GALR1: variants seen among roughly 807,000 people sequenced by gnomAD.
The protein encoded by GALR1 is galanin receptor 1.
A neutral mutation model predicts 17.9 loss-of-function variants in GALR1; 11 were observed. That is an observed-to-expected ratio of 0.62 (90% confidence interval 0.39 to 1.02). GALR1 has a LOEUF of 1.02. GALR1 is among the 50% of genes least tolerant of loss of function. The pLI, the probability that GALR1 is intolerant of heterozygous loss-of-function variation, is 0.01. For synonymous variants in GALR1, 206 were observed against 205.7 expected (o/e 1.00, Z -0.01); for missense variants, 441 against 456.9 (o/e 0.97, Z 0.32).
chr18:77,261,534 T>G (rs1912830463), intron 2 of GALR1, among the ~76,000 whole-genome samples: 1 of 152,232 alleles, frequency 6.6e-6, no homozygotes, highest in South Asian at 2.1e-4. Context: ...GGATGGCCCA[T>G]AAACAACGGA....
chr18:77,260,200 C>A (rs1599360739), intron 2 of GALR1, among the ~76,000 whole-genome samples: 1 of 152,306 alleles, frequency 6.6e-6, no homozygotes, highest in African/African-American at 2.4e-5. Flanking sequence ...CAAGCTCCTG[C>A]AGATTCAGTG....
At chr18:77,252,275 C>A (rs900447178) in intron 1 of GALR1, among the ~76,000 whole-genome samples, 2 of 151,716 alleles carry the variant, frequency 1.3e-5, no homozygotes, top group Non-Finnish European at 2.9e-5. Context: ...CCGGGTAAAC[C>A]CTAATGTGCG....
In GALR1 at chr18:77,272,666, A is replaced by G. The variant is rs1362205272; in HGVS notation, c.*3764A>G. Reference sequence around the variant, plus strand: ...GTGGGTTTCTATGAAAGGTAATCGTATTCTTCTTGACCATTAAAAATGTTG... The same window carrying G: ...GTGGGTTTCTATGAAAGGTAATCGTGTTCTTCTTGACCATTAAAAATGTTG... On this transcript the variant is annotated 3_prime_UTR_variant, in exon 3 of 3. Coordinates refer to ENST00000299727, the MANE Select transcript of GALR1 (RefSeq NM_001480.4). 6.6e-6 allele frequency: 1 copy of G among 152,208 alleles called. No individual in the cohort carries two copies. Among genetic ancestry groups the G allele is most frequent in the Non-Finnish European group, 1.5e-5 (1 of 68,032 alleles). The allele number at this position is 152,208 out of a possible 1,614,324, so 9.4% of individuals were successfully genotyped here. A position where few individuals can be genotyped will look rare whatever the true frequency, so the allele number is the denominator to read the frequency against.
intron 2 of GALR1, among the ~76,000 whole-genome samples, chr18:77,262,351 A>G (rs1248768615): frequency 1.3e-5 from 2 of 152,192 alleles, no homozygotes; most frequent in African/African-American, 2.4e-5. Flanking sequence ...CTAGGCATAT[A>G]TCGTTTCCCG....
At chr18:77,251,789 T>G (rs1599353305) in intron 1 of GALR1, among the ~76,000 whole-genome samples, 1 of 151,902 alleles carries the variant, frequency 6.6e-6, no homozygotes, top group Non-Finnish European at 1.5e-5. Flanking sequence ...TCCCCCGGGG[T>G]GCGCAGTTTG....
At chr18:77,262,447 C>T (rs917836626) in intron 2 of GALR1, among the ~76,000 whole-genome samples, 1 of 152,182 alleles carries the variant, frequency 6.6e-6, no homozygotes, top group Non-Finnish European at 1.5e-5. Flanking sequence ...CATCTTCTAC[C>T]AGCATCCGTT....
intron 2 of GALR1, among the ~76,000 whole-genome samples, chr18:77,258,924 A>ATGG (rs1464303205): frequency 1.9e-5 from 2 of 102,586 alleles, no homozygotes; most frequent in African/African-American, 7.6e-5. Flanking sequence ...GGTGGTGATG[A>ATGG]TGGTCATGGT....
chr18:77,259,284 ATGG>A (rs1416872216), intron 2 of GALR1, among the ~76,000 whole-genome samples: 1 of 82,866 alleles, frequency 1.2e-5, no homozygotes, highest in African/African-American at 4.3e-5. Context: ...GGTGGTGGTC[ATGG>A]TGGTCATGGT....
rs1337505977 is a variant in GALR1, at chr18:77,269,105, A to G, written c.*203A>G. 1 of 559,758 alleles carries G rather than the reference A, an allele frequency of 1.8e-6. No homozygotes were observed. The highest frequency in any genetic ancestry group is 3.1e-6 in the Non-Finnish European group (1 of 319,436). The allele number at this position is 559,758 out of a possible 1,614,324, so 34.7% of individuals were successfully genotyped here. The stretch of plus-strand genomic sequence containing the variant: ...CTAGTGAGAATTATTTTTCAATTTT[A>G]TTTTAGTTCTAAATTATGTTTCAGA... On this transcript the variant is annotated 3_prime_UTR_variant, in exon 3 of 3. Transcript: ENST00000299727.
chr18:77,269,976 G>A lies in GALR1; in HGVS notation c.*1074G>A, dbSNP rs946433230. ...GCTTTTTCATTAAATTTGTAATGAT[G>A]TTTAATGAACATTTCCACCAAACAT... On this transcript the variant is annotated 3_prime_UTR_variant, in exon 3 of 3. Coordinates refer to ENST00000299727, the MANE Select transcript of GALR1 (RefSeq NM_001480.4). The A allele has an allele frequency of 1.3e-5, 2 of 152,146 alleles. No homozygotes were observed. Among genetic ancestry groups the A allele is most frequent in the African/African-American group, 4.8e-5 (2 of 41,430 alleles). 9.4% of individuals were successfully genotyped at this position (152,146 alleles called of 1,614,324 possible). A position where few individuals can be genotyped will look rare whatever the true frequency, so the allele number is the denominator to read the frequency against.
intron 2 of GALR1, among the ~76,000 whole-genome samples, chr18:77,258,797 ATGG>A (rs1229476616): frequency 1.3e-4 from 10 of 78,114 alleles, no homozygotes; most frequent in East Asian, 4.7e-4. Flanking sequence ...GGTGGTGGTG[ATGG>A]TGGTGGTGGT....
At position 77,273,298 on chromosome 18, in the gene GALR1, T is replaced by G. The variant is rs183387482; in HGVS notation, c.*4396T>G. The G allele has an allele frequency of 3.3e-5, 5 of 152,232 alleles. No individual in the cohort carries two copies. Among genetic ancestry groups the G allele is most frequent in the Admixed American group, 2.0e-4 (3 of 15,266 alleles). 9.4% of individuals were successfully genotyped at this position (152,232 alleles called of 1,614,324 possible). ...GCATCCGATGATTCTCAGGTTTTGT[T>G]CTAGGTGCAGAAATAGTGGGAGAGG... is the stretch of plus-strand genomic sequence containing the variant. On this transcript the variant is annotated 3_prime_UTR_variant, in exon 3 of 3. Transcript: ENST00000299727.
At position 77,268,791 on chromosome 18, in the gene GALR1, C is replaced by A; in HGVS notation, c.939C>A (p.Ala313=). The A allele has an allele frequency of 6.2e-7, 1 of 1,613,908 alleles. No individual in the cohort carries two copies. Among genetic ancestry groups the A allele is most frequent in the Non-Finnish European group, 8.5e-7 (1 of 1,179,838 alleles). Residue 313 remains alanine (A), a synonymous_variant, in exon 3 of 3, where the codon GCC becomes GCA. Coordinates refer to ENST00000299727, the MANE Select transcript of GALR1 (RefSeq NM_001480.4). ...YAFLSENFRK[A]YKQVFKCHIR... ...TTCTCTCTGAAAATTTCAGGAAGGC[C>A]TATAAACAAGTGTTCAAGTGTCACA...
Position 77,274,527 on chromosome 18 carries a change from T to C in GALR1, c.*5625T>C, listed in dbSNP as rs988998762. ...TTGTGCCAAGTACCTAAGGGTTCACTGCCTTGTTTGAGGAATCGCAGAGCA... is the reference window on the plus strand; with the variant it reads ...TTGTGCCAAGTACCTAAGGGTTCACCGCCTTGTTTGAGGAATCGCAGAGCA... On this transcript the variant is annotated 3_prime_UTR_variant, in exon 3 of 3. Coordinates refer to ENST00000299727, the MANE Select transcript of GALR1 (RefSeq NM_001480.4). 6.6e-6 allele frequency: 1 copy of C among 152,264 alleles called. No individual in the cohort carries two copies. Among genetic ancestry groups the C allele is most frequent in the Admixed American group, 6.5e-5 (1 of 15,288 alleles). 9.4% of individuals were successfully genotyped at this position (152,264 alleles called of 1,614,324 possible).
intron 2 of GALR1, among the ~76,000 whole-genome samples, chr18:77,262,094 G>A (rs967889541): frequency 6.6e-6 from 1 of 152,032 alleles, no homozygotes; most frequent in Admixed American, 6.6e-5. Flanking sequence ...TCCCAAAGTG[G>A]TGGGATTACA....
In GALR1 at chr18:77,250,446, ACT is replaced by A; in HGVS notation, c.-99_-98del. 8.1e-7 allele frequency: 1 copy of A among 1,227,122 alleles called. No homozygotes were observed. Among genetic ancestry groups the A allele is most frequent in the Non-Finnish European group, 1.1e-6 (1 of 934,176 alleles). The allele number at this position is 1,227,122 out of a possible 1,614,324, so 76.0% of individuals were successfully genotyped here. A position where few individuals can be genotyped will look rare whatever the true frequency, so the allele number is the denominator to read the frequency against. On this transcript the variant is annotated 5_prime_UTR_variant, in exon 1 of 3. Transcript: ENST00000299727. ...GGGAAGCTCAGACTCCTAAACTCGC[ACT>A]CTCCGTGCTTTGCGCCGGGACCCCT...
At position 77,269,034 on chromosome 18, in the gene GALR1, C is replaced by T; in HGVS notation, c.*132C>T. ...AATTCAAGTCGTTTTAATTAAATCC[C>T]ACGTGTGTTAAAAAGTACTTTGATC... On this transcript the variant is annotated 3_prime_UTR_variant, in exon 3 of 3. Transcript: ENST00000299727. 5.7e-6 allele frequency: 4 copies of T among 696,266 alleles called. No individual in the cohort carries two copies. The highest frequency in any genetic ancestry group is 7.3e-6 in the Non-Finnish European group (3 of 412,456). The allele number at this position is 696,266 out of a possible 1,614,324, so 43.1% of individuals were successfully genotyped here.
chr18:77,262,017 G>C (rs1912841108), intron 2 of GALR1, among the ~76,000 whole-genome samples: 1 of 152,012 alleles, frequency 6.6e-6, no homozygotes, highest in Admixed American at 6.6e-5. Context: ...TTTTAAAGGT[G>C]GGGACTCAGG....
intron 2 of GALR1, among the ~76,000 whole-genome samples, chr18:77,264,741 G>A (rs1471826872): frequency 6.6e-5 from 10 of 152,150 alleles, no homozygotes; most frequent in East Asian, 1.9e-4. Flanking sequence ...AAGCAAACAC[G>A]TCCTTCATAT....
Sources: gnomAD v4.1 joint callset for allele counts (sites outside exome capture counted in the v4.1 genomes callset) on GRCh38, gnomAD v4.1.1 for gene constraint, MANE v1.5 for transcripts, NCBI Gene and HGNC (gene_info 2026-07-23, HGNC 2026-07-21) for gene names.